Variants in TMEM178B observed in about 807,000 individuals in gnomAD.
The protein encoded by TMEM178B is transmembrane protein 178B.
A neutral mutation model predicts 31.0 loss-of-function variants in TMEM178B; 5 were observed. The observed-to-expected ratio is 0.16, with a 90% CI of 0.08 to 0.34. The LOEUF is 0.34. Among genes scored for constraint, TMEM178B ranks in the 10% least tolerant of loss-of-function variants. TMEM178B has a pLI of 1.00. For synonymous variants in TMEM178B, 164 were observed against 164.0 expected, an observed-to-expected ratio of 1.00 and a Z score of 0.00; for missense variants, 275 against 400.3, an observed-to-expected ratio of 0.69 and a Z score of 2.67.
chr7:141,298,833 G>GT lies in TMEM178B; in HGVS notation c.496+86135dup, dbSNP rs374998993. Among the ~76,000 whole-genome samples the GT allele has an allele frequency of 4.0e-3, 610 of 152,328 alleles. 2 individuals carry two copies. Among genetic ancestry groups the GT allele is most frequent in the African/African-American group, 0.014 (591 of 41,576 alleles). On this transcript the variant is annotated intron_variant, in intron 2 of 3. Transcript: ENST00000565468. The stretch of plus-strand genomic sequence containing the variant: ...ATACCAATTTCAAAAACTTTGTTTT[G>GT]TTTTTTGGTAAAGAAGGTCAGTTAG...
chr7:141,171,840 GTGAATGAA>G lies in TMEM178B; in HGVS notation c.383-40730_383-40723del, dbSNP rs72192328. On this transcript the variant is annotated intron_variant, in intron 1 of 3. Coordinates refer to ENST00000565468, the MANE Select transcript of TMEM178B (RefSeq NM_001195278.2). The surrounding 1 kb of genome is among the most constrained non-coding windows in gnomAD (Gnocchi z 4.3). ...TTTATCAGGCTCTCAATACACATTT[GTGAATGAA>G]TGAATGAATGAATGAATGAAGGGCA... 0.67 allele frequency among the ~76,000 whole-genome samples: 100,725 copies of G among 151,172 alleles called. 33,953 individuals are homozygous for G. Among genetic ancestry groups the G allele is most frequent in the Middle Eastern group, 0.71 (205 of 288 alleles).
intron 2 of TMEM178B, among the ~76,000 whole-genome samples, chr7:141,424,235 A>C (rs984947385): frequency 6.6e-6 from 1 of 152,184 alleles, no homozygotes; most frequent in Non-Finnish European, 1.5e-5. Context: ...CACGTCACTG[A>C]AAGCATCACA....
In TMEM178B at chr7:141,095,975, G is replaced by A. The variant is rs1392864824; in HGVS notation, c.382+21283G>A. Among the ~76,000 whole-genome samples, 4 of 152,282 alleles carry A rather than the reference G, an allele frequency of 2.6e-5. No individual in the cohort carries two copies. The East Asian group carries it at 7.7e-4, about 29-fold the overall frequency. Reference sequence around the variant, plus strand: ...GGAGTGGCCAGGTGGGTGAAGAGAAGTATAAATGCTGATGGTAACGTAGGC... The same window carrying A: ...GGAGTGGCCAGGTGGGTGAAGAGAAATATAAATGCTGATGGTAACGTAGGC... On this transcript the variant is annotated intron_variant, in intron 1 of 3. Coordinates refer to ENST00000565468, the MANE Select transcript of TMEM178B (RefSeq NM_001195278.2).
the TMEM178B span, among the ~76,000 whole-genome samples, chr7:141,486,069 A>C: frequency 4.6e-5 from 7 of 152,264 alleles, no homozygotes; most frequent in African/African-American, 1.7e-4. Context: ...CTATTCAGCC[A>C]TAAAAAGAAT....
At chr7:141,339,608 T>C (rs58698039) in intron 2 of TMEM178B, among the ~76,000 whole-genome samples, 6,939 of 152,100 alleles carry the variant, frequency 0.046, 381 homozygotes, top group African/African-American at 0.13. Flanking sequence ...AATAGAAAAA[T>C]GAGGACATTC....
rs1318803657 is a variant in TMEM178B, at chr7:141,074,547, C to T, written c.237C>T (p.Leu79=). Residue 79 remains leucine (L), a synonymous_variant, in exon 1 of 4, where the codon CTC becomes CTT. Coordinates refer to ENST00000565468, the MANE Select transcript of TMEM178B (RefSeq NM_001195278.2). This position sits in a 1 kb window ranked among gnomAD's most constrained non-coding sequence, Gnocchi z 5.1. ...RSRLDRWEGK[L]LRARNRRQLF... ...GCCTGGACCGCTGGGAGGGCAAACT[C>T]CTCCGGGCCCGGAATCGCCGGCAGC... is the stretch of plus-strand genomic sequence containing the variant. 1 of 1,536,000 alleles carries T rather than the reference C, an allele frequency of 6.5e-7. No individual in the cohort carries two copies. Among genetic ancestry groups the T allele is most frequent in the Non-Finnish European group, 8.7e-7 (1 of 1,146,792 alleles).
chr7:141,228,660 G>A (rs1346150746), intron 2 of TMEM178B, among the ~76,000 whole-genome samples: 1 of 152,192 alleles, frequency 6.6e-6, no homozygotes, highest in Non-Finnish European at 1.5e-5. Flanking sequence ...TTAAGCCCTT[G>A]CTCTGGGAGC....
chr7:141,308,117 A>G (rs1414173892), intron 2 of TMEM178B, among the ~76,000 whole-genome samples: 1 of 152,152 alleles, frequency 6.6e-6, no homozygotes, highest in Admixed American at 6.5e-5. Flanking sequence ...GGAAGGAGGG[A>G]TGAATAACTT....
intron 2 of TMEM178B, among the ~76,000 whole-genome samples, chr7:141,285,374 G>A (rs1798433032): frequency 6.6e-6 from 1 of 151,168 alleles, no homozygotes; most frequent in South Asian, 2.1e-4. Flanking sequence ...TAGCCAAGAT[G>A]GTCTCGATCT....
intron 3 of TMEM178B, among the ~76,000 whole-genome samples, chr7:141,465,189 CTT>C (rs1234709276): frequency 1.3e-5 from 2 of 152,180 alleles, no homozygotes; most frequent in Admixed American, 6.6e-5. Context: ...CATACGGACT[CTT>C]TTCTGAGTAG....
In TMEM178B at chr7:141,074,417, C is replaced by A; in HGVS notation, c.107C>A (p.Ala36Asp). 1 of 1,536,154 alleles carries A rather than the reference C, an allele frequency of 6.5e-7. No homozygotes were observed. Among genetic ancestry groups the A allele is most frequent in the African/African-American group, 1.4e-5 (1 of 73,186 alleles). Residue 36 changes from alanine (A) to aspartate (D), a missense_variant, in exon 1 of 4, where the codon GCC becomes GAC. Coordinates refer to ENST00000565468, the MANE Select transcript of TMEM178B (RefSeq NM_001195278.2). This position sits in a 1 kb window ranked among gnomAD's most constrained non-coding sequence, Gnocchi z 5.1. ...ICSDHWYETD[A>D]RKHRDRCKAF... ...TCGGACCACTGGTACGAGACGGACG[C>A]CAGGAAGCACAGGGACAGGTGCAAG...
chr7:141,489,239 C>T, the TMEM178B span, among the ~76,000 whole-genome samples: 6 of 152,186 alleles, frequency 3.9e-5, no homozygotes, highest in Non-Finnish European at 8.8e-5. Flanking sequence ...TGAAAAGAGG[C>T]CAGACTTTGA....
the TMEM178B span, among the ~76,000 whole-genome samples, chr7:141,509,201 T>C: frequency 6.6e-6 from 1 of 152,042 alleles, no homozygotes; most frequent in Non-Finnish European, 1.5e-5. Context: ...GAAGATAGCA[T>C]CAGTGAGAAT....
the TMEM178B span, among the ~76,000 whole-genome samples, chr7:141,498,429 C>T: frequency 1.9e-4 from 29 of 152,362 alleles, no homozygotes; most frequent in African/African-American, 7.0e-4. Context: ...AGGTCTCCTT[C>T]TTCTAAGTCC....
chr7:141,167,929 T>A (rs1401590274), intron 1 of TMEM178B, among the ~76,000 whole-genome samples: 1 of 152,214 alleles, frequency 6.6e-6, no homozygotes, highest in Non-Finnish European at 1.5e-5. Context: ...TGTAAAAATC[T>A]CATAATCATT....
At chr7:141,172,160 C>T (rs934588704) in intron 1 of TMEM178B, among the ~76,000 whole-genome samples, 2 of 152,136 alleles carry the variant, frequency 1.3e-5, no homozygotes, top group Non-Finnish European at 2.9e-5. Flanking sequence ...TTCCAACTCA[C>T]AGAACAGTGA....
At chr7:141,388,899 A>G (rs552911151) in intron 2 of TMEM178B, among the ~76,000 whole-genome samples, 11,973 of 152,282 alleles carry the variant, frequency 0.079, 555 homozygotes, top group South Asian at 0.11. Flanking sequence ...AGGAAGGTGC[A>G]ATGTTACCAC....
In TMEM178B at chr7:141,468,973, C is replaced by T. The variant is rs538940923; in HGVS notation, c.635-1563C>T. 5.3e-5 allele frequency among the ~76,000 whole-genome samples: 8 copies of T among 152,274 alleles called. No individual in the cohort carries two copies. In the South Asian group the frequency reaches 6.2e-4, roughly 12 times the overall value. On this transcript the variant is annotated intron_variant, in intron 3 of 3. Coordinates refer to ENST00000565468, the MANE Select transcript of TMEM178B (RefSeq NM_001195278.2). ...CATCCTAATCTTTTCATTATGCAAACGGATTTTCTACCTGGCGGGCACCAT... is the reference window on the plus strand; with the variant it reads ...CATCCTAATCTTTTCATTATGCAAATGGATTTTCTACCTGGCGGGCACCAT...
intron 2 of TMEM178B, among the ~76,000 whole-genome samples, chr7:141,340,620 A>G (rs1799500977): frequency 1.3e-5 from 2 of 152,246 alleles, no homozygotes. Flanking sequence ...TGTTGGTAAC[A>G]CAGTCTTCAT....
Sources: allele counts gnomAD v4.1 joint callset (sites outside exome capture counted in the v4.1 genomes callset), GRCh38; gene constraint gnomAD v4.1.1; non-coding constraint Gnocchi (gnomAD v3.1); transcripts MANE v1.5; gene names NCBI Gene and HGNC (gene_info 2026-07-23, HGNC 2026-07-21).